The following DCC variants were observed in gnomAD, a reference collection of about 807,000 sequenced individuals.
DCC encodes netrin receptor DCC.
In DCC, 58 loss-of-function variants were observed where a neutral mutation model predicts 172.5. The ratio of observed to expected loss-of-function variants is 0.34; its 90% CI spans 0.27 to 0.42. DCC has a LOEUF of 0.42. Among genes scored for constraint, DCC ranks in the 10% least tolerant of loss-of-function variants. DCC has a pLI of 1.00. For synonymous variants in DCC, 709 were observed against 644.5 expected, an observed-to-expected ratio of 1.10 and a Z score of -1.52; for missense variants, 1,740 against 1,791.0, an observed-to-expected ratio of 0.97 and a Z score of 0.51.
rs1324246655 is a variant in DCC, at chr18:53,143,966, T to G, written c.1262-13390T>G. Among the ~76,000 whole-genome samples, 6 of 152,226 alleles carry G rather than the reference T, an allele frequency of 3.9e-5. No homozygotes were observed. In the East Asian group the frequency reaches 1.2e-3, roughly 29 times the overall value. On this transcript the variant is annotated intron_variant, in intron 7 of 28. Coordinates refer to ENST00000442544, the MANE Select transcript of DCC (RefSeq NM_005215.4). Reference sequence around the variant, plus strand: ...GACATTTATTATACTGAAATAATTCTCTTTGGTGGAATTAATAATTACTTG... The same window carrying G: ...GACATTTATTATACTGAAATAATTCGCTTTGGTGGAATTAATAATTACTTG...
chr18:53,298,626 T>C (rs926183338), intron 12 of DCC, among the ~76,000 whole-genome samples: 3 of 151,648 alleles, frequency 2.0e-5, no homozygotes, highest in Non-Finnish European at 4.4e-5. Flanking sequence ...TTCTAATTCT[T>C]GTTCTAAGGT....
intron 21 of DCC, among the ~76,000 whole-genome samples, chr18:53,424,890 T>G (rs933822489): frequency 6.6e-6 from 1 of 152,140 alleles, no homozygotes; most frequent in African/African-American, 2.4e-5. Flanking sequence ...TTTCCTACTT[T>G]TCAACATATC....
intron 1 of DCC, chr18:52,419,786 C>A (rs1362935670): frequency 6.6e-6 from 1 of 152,068 alleles, no homozygotes; most frequent in Admixed American, 6.6e-5. Flanking sequence ...CTTATTAAAA[C>A]CCATTTTTTC....
At chr18:53,178,478 C>T (rs2055143441) in intron 8 of DCC, among the ~76,000 whole-genome samples, 1 of 152,174 alleles carries the variant, frequency 6.6e-6, no homozygotes, top group South Asian at 2.1e-4. Flanking sequence ...ACATAGAACA[C>T]TAAGCATCTG....
intron 1 of DCC, among the ~76,000 whole-genome samples, chr18:52,454,845 A>G (rs1272100488): frequency 5.3e-5 from 8 of 152,322 alleles, no homozygotes; most frequent in South Asian, 2.1e-4. Context: ...AAACATTTCC[A>G]TAGTTTATTG....
intron 5 of DCC, among the ~76,000 whole-genome samples, chr18:53,049,229 T>G (rs1457392793): frequency 1.3e-5 from 2 of 152,136 alleles, no homozygotes; most frequent in South Asian, 4.1e-4. Flanking sequence ...GCAATTGTTT[T>G]TGGCTTCTTC....
intron 1 of DCC, among the ~76,000 whole-genome samples, chr18:52,514,264 C>G (rs575016447): frequency 8.6e-5 from 13 of 151,944 alleles, no homozygotes; most frequent in African/African-American, 2.9e-4. Flanking sequence ...GAGAGAGATA[C>G]AAAGTTATAG....
chr18:52,527,776 AG>A (rs1489164126), intron 1 of DCC, among the ~76,000 whole-genome samples: 1 of 152,218 alleles, frequency 6.6e-6, no homozygotes, highest in African/African-American at 2.4e-5. Flanking sequence ...GGCTGGTAAA[AG>A]TATTTTCAAG....
intron 1 of DCC, among the ~76,000 whole-genome samples, chr18:52,648,868 C>T (rs1316852436): frequency 2.0e-5 from 3 of 152,086 alleles, no homozygotes; most frequent in Admixed American, 6.5e-5. Flanking sequence ...ATTTTGCCAG[C>T]GTTTCTAGGT....
At chr18:52,702,407 G>A (rs1303772105) in intron 1 of DCC, among the ~76,000 whole-genome samples, 2 of 152,068 alleles carry the variant, frequency 1.3e-5, no homozygotes, top group Non-Finnish European at 2.9e-5. Flanking sequence ...CAGGTTCCTT[G>A]AAGTTTACAA....
At chr18:52,641,588 A>G (rs2034891838) in intron 1 of DCC, among the ~76,000 whole-genome samples, 1 of 137,726 alleles carries the variant, frequency 7.3e-6, no homozygotes, top group Non-Finnish European at 1.6e-5. Flanking sequence ...GAAGATATAT[A>G]AATGGCTAAC....
chr18:52,463,412 CTA>C (rs1988691360), intron 1 of DCC, among the ~76,000 whole-genome samples: 1 of 152,060 alleles, frequency 6.6e-6, no homozygotes, highest in Non-Finnish European at 1.5e-5. Context: ...TTGGTTGATG[CTA>C]TGTTTAGGGA....
At chr18:53,313,059 A>G (rs370118399) in intron 13 of DCC, among the ~76,000 whole-genome samples, 717 of 68,174 alleles carry the variant, frequency 0.011, 6 homozygotes, top group Admixed American at 0.03. Context: ...GGAGGGAAGG[A>G]AAGGGTGGAA....
At chr18:52,401,568 A>G (rs1455026773) in intron 1 of DCC, among the ~76,000 whole-genome samples, 1 of 152,038 alleles carries the variant, frequency 6.6e-6, no homozygotes, top group Admixed American at 6.6e-5. Context: ...TGTAGAGCAA[A>G]GGAACAGTGA....
chr18:53,027,463 A>G (rs1346512553), intron 5 of DCC, among the ~76,000 whole-genome samples: 15 of 152,150 alleles, frequency 9.9e-5, no homozygotes, highest in African/African-American at 3.6e-4. Flanking sequence ...TCGGAGAGCC[A>G]GTTTGAAATT....
chr18:53,385,021 C>CT (rs35779527), intron 15 of DCC, among the ~76,000 whole-genome samples: 1,775 of 130,968 alleles, frequency 0.014, 11 homozygotes, highest in Middle Eastern at 0.025. Context: ...TAATTTTTTT[C>CT]TTTTTTTTTT....
chr18:53,115,893 A>T (rs1005445128), intron 7 of DCC, among the ~76,000 whole-genome samples: 1 of 151,286 alleles, frequency 6.6e-6, no homozygotes, highest in South Asian at 2.1e-4. Flanking sequence ...CAACTTTATG[A>T]TTTTTTTTAC....
chr18:53,345,751 G>T (rs1368038071), intron 15 of DCC, among the ~76,000 whole-genome samples: 2 of 145,990 alleles, frequency 1.4e-5, no homozygotes, highest in Non-Finnish European at 3.1e-5. Context: ...ATAGAATTCC[G>T]CATTGACAGA....
intron 1 of DCC, among the ~76,000 whole-genome samples, chr18:52,436,772 C>A (rs2144485704): frequency 6.6e-6 from 1 of 152,126 alleles, no homozygotes; most frequent in Admixed American, 6.5e-5. Flanking sequence ...AAACAAAAAT[C>A]AGCTAGGCAT....
Sources: gnomAD v4.1 joint callset for allele counts (sites outside exome capture counted in the v4.1 genomes callset) on GRCh38, gnomAD v4.1.1 for gene constraint, MANE v1.5 for transcripts, NCBI Gene and HGNC (gene_info 2026-07-23, HGNC 2026-07-21) for gene names.